FHIT: variants seen among roughly 807,000 people sequenced by gnomAD.
The protein encoded by FHIT is bis(5'-adenosyl)-triphosphatase.
Under a neutral mutation model 17.9 loss-of-function variants are expected in FHIT, and 19 were observed. That is an observed-to-expected ratio of 1.06 (90% CI 0.74 to 1.56). FHIT has a LOEUF of 1.56. Ranked by LOEUF, FHIT falls within the 40% of genes most tolerant of loss-of-function variation. The probability of loss-of-function intolerance (pLI) is 0.00; values close to 1 mark genes in which losing one functional copy is unlikely to be tolerated. For synonymous variants in FHIT, 81 were observed against 69.7 expected (o/e 1.16, Z -0.81); for missense variants, 248 against 189.2 (o/e 1.31, Z -1.82).
chr3:60,164,410 A>G (rs1306717705), intron 5 of FHIT, among the ~76,000 whole-genome samples: 1 of 152,188 alleles, frequency 6.6e-6, no homozygotes, highest in Non-Finnish European at 1.5e-5. Context: ...ACACCCATCT[A>G]AAAACACACA....
intron 5 of FHIT, among the ~76,000 whole-genome samples, chr3:60,040,012 T>C (rs1305637232): frequency 6.6e-6 from 1 of 152,176 alleles, no homozygotes; most frequent in Non-Finnish European, 1.5e-5. Context: ...GGAAATACAA[T>C]AATGAGCCAA....
intron 4 of FHIT, among the ~76,000 whole-genome samples, chr3:60,689,660 TC>T (rs2107881955): frequency 6.6e-6 from 1 of 152,286 alleles, no homozygotes; most frequent in African/African-American, 2.4e-5. Flanking sequence ...ACCTGGTATA[TC>T]AAAAAGAATA....
At chr3:60,732,508 C>T in intron 4 of FHIT, 1 of 671,188 alleles carries the variant, frequency 1.5e-6, no homozygotes. Context: ...CAAATCCTTT[C>T]TTTCCAGCGC....
At chr3:60,978,481 T>A (rs1392774186) in intron 3 of FHIT, among the ~76,000 whole-genome samples, 4 of 152,158 alleles carry the variant, frequency 2.6e-5, no homozygotes, top group Non-Finnish European at 5.9e-5. Flanking sequence ...TGACTACTTC[T>A]CCTTTTTTCA....
intron 5 of FHIT, among the ~76,000 whole-genome samples, chr3:60,475,677 C>T (rs73833917): frequency 0.043 from 6,545 of 152,222 alleles, 182 homozygotes; most frequent in Middle Eastern, 0.11. Flanking sequence ...TCAAACCTCA[C>T]GTTTCTTTCA....
intron 3 of FHIT, among the ~76,000 whole-genome samples, chr3:60,974,999 T>G (rs2107537842): frequency 6.6e-6 from 1 of 152,272 alleles, no homozygotes; most frequent in East Asian, 1.9e-4. Context: ...TTTAAAATTC[T>G]GTCTTCGGCT....
intron 4 of FHIT, among the ~76,000 whole-genome samples, chr3:60,566,177 C>T (rs956537696): frequency 6.6e-6 from 1 of 152,000 alleles, no homozygotes; most frequent in Non-Finnish European, 1.5e-5. Flanking sequence ...TTACTTCCAA[C>T]TAAGTGGTCA....
At chr3:60,238,879 A>G (rs1704960441) in intron 5 of FHIT, among the ~76,000 whole-genome samples, 1 of 152,238 alleles carries the variant, frequency 6.6e-6, no homozygotes, top group African/African-American at 2.4e-5. Context: ...GTACAAATGC[A>G]TTAGGAATGG....
intron 7 of FHIT, among the ~76,000 whole-genome samples, chr3:59,986,506 T>C (rs1479690881): frequency 7.1e-4 from 1 of 1,412 alleles, no homozygotes; most frequent in African/African-American, 9.5e-4. Flanking sequence ...AAAATATATA[T>C]ATATATATAT....
chr3:59,935,082 C>T (rs78896190), intron 7 of FHIT, among the ~76,000 whole-genome samples: 2,792 of 152,210 alleles, frequency 0.018, 97 homozygotes, highest in African/African-American at 0.064. Flanking sequence ...CTGGGAAGAC[C>T]ATTCCAAGAT....
chr3:60,733,274 T>C (rs2042070096), intron 4 of FHIT, among the ~76,000 whole-genome samples: 1 of 152,216 alleles, frequency 6.6e-6, no homozygotes, highest in Non-Finnish European at 1.5e-5. Context: ...TGTTGTCAGA[T>C]CTTTCAGTTA....
At chr3:59,908,964 A>C (rs973152037) in intron 8 of FHIT, among the ~76,000 whole-genome samples, 1 of 151,924 alleles carries the variant, frequency 6.6e-6, no homozygotes, top group African/African-American at 2.4e-5. Context: ...GACAAGACAA[A>C]ACAAATGGGA....
chr3:60,040,221 C>G (rs1338451380), intron 5 of FHIT, among the ~76,000 whole-genome samples: 2 of 152,084 alleles, frequency 1.3e-5, no homozygotes, highest in Non-Finnish European at 2.9e-5. Flanking sequence ...TCTCGGCTCA[C>G]TGCAACCTCC....
chr3:60,509,182 C>A (rs1010362222), intron 5 of FHIT, among the ~76,000 whole-genome samples: 1 of 152,118 alleles, frequency 6.6e-6, no homozygotes, highest in Admixed American at 6.6e-5. Flanking sequence ...TGACTCTTGG[C>A]GATTCCAAAT....
At chr3:60,462,908 T>G (rs2032563938) in intron 5 of FHIT, among the ~76,000 whole-genome samples, 1 of 152,256 alleles carries the variant, frequency 6.6e-6, no homozygotes, top group East Asian at 1.9e-4. Flanking sequence ...CCAACCCTGC[T>G]CTGTATCACT....
chr3:59,752,142 T>G, intron 9 of FHIT, 79 bp downstream of exon 9: 2 of 988,586 alleles, frequency 2.0e-6, no homozygotes, highest in South Asian at 1.5e-5. Context: ...GGTGTTTTTG[T>G]GCATCCCCAT....
intron 5 of FHIT, among the ~76,000 whole-genome samples, chr3:60,299,888 G>A (rs536085843): frequency 6.6e-6 from 1 of 152,196 alleles, no homozygotes; most frequent in South Asian, 2.1e-4. Context: ...TGTTTAGCTG[G>A]AGTAGTACAG....
At chr3:60,992,531 C>T (rs2030325523) in intron 3 of FHIT, among the ~76,000 whole-genome samples, 1 of 152,150 alleles carries the variant, frequency 6.6e-6, no homozygotes, top group African/African-American at 2.4e-5. Flanking sequence ...AGCTACTTCC[C>T]GTTTCTAAGT....
intron 7 of FHIT, among the ~76,000 whole-genome samples, chr3:59,958,248 T>C (rs1707498557): frequency 6.6e-6 from 1 of 152,178 alleles, no homozygotes; most frequent in Admixed American, 6.5e-5. Flanking sequence ...TCCCCAGTAA[T>C]AGAGCTTCAT....
Sources: gnomAD v4.1 joint callset for allele counts (sites outside exome capture counted in the v4.1 genomes callset) on GRCh38, gnomAD v4.1.1 for gene constraint, MANE v1.5 for transcripts, NCBI Gene and HGNC (gene_info 2026-07-23, HGNC 2026-07-21) for gene names.